CNTNAP5: variants seen among roughly 807,000 people sequenced by gnomAD.
CNTNAP5 encodes contactin-associated protein-like 5.
In CNTNAP5, 72 loss-of-function variants were observed where a neutral mutation model predicts 150.2. The ratio of observed to expected loss-of-function variants is 0.48; its 90% CI spans 0.40 to 0.58. The LOEUF (loss-of-function observed/expected upper bound fraction) is 0.58, where lower values mean the gene tolerates loss of function less well. Ranked by LOEUF, CNTNAP5 falls within the 20% of genes least tolerant of loss-of-function variation. The probability of loss-of-function intolerance (pLI) is 0.00; values close to 1 mark genes in which losing one functional copy is unlikely to be tolerated. For missense variants in CNTNAP5, 1,636 were observed against 1,626.2 expected (o/e 1.01, Z -0.10); for synonymous variants, 672 against 619.8 (o/e 1.08, Z -1.25).
chr2:124,675,525 AT>A (rs1392505437), intron 13 of CNTNAP5, among the ~76,000 whole-genome samples: 1 of 152,066 alleles, frequency 6.6e-6, no homozygotes, highest in Non-Finnish European at 1.5e-5. Flanking sequence ...CTATTTTTCA[AT>A]TTGGTTATCC....
At chr2:124,089,603 G>C (rs927652807) in intron 1 of CNTNAP5, among the ~76,000 whole-genome samples, 1 of 152,204 alleles carries the variant, frequency 6.6e-6, no homozygotes, top group East Asian at 1.9e-4. Context: ...ACTTGTGTGA[G>C]GTTACTTAAA....
chr2:124,070,576 T>TA (rs1213504230), intron 1 of CNTNAP5, among the ~76,000 whole-genome samples: 1 of 151,430 alleles, frequency 6.6e-6, no homozygotes, highest in Non-Finnish European at 1.5e-5. Context: ...GAGATTTCAA[T>TA]AAAAAACTGA....
intron 17 of CNTNAP5, among the ~76,000 whole-genome samples, chr2:124,785,380 A>G (rs747604648): frequency 1.7e-4 from 26 of 152,326 alleles, no homozygotes; most frequent in Middle Eastern, 3.4e-3. Flanking sequence ...TCAATGAGGA[A>G]CTAACTAGAA....
intron 13 of CNTNAP5, among the ~76,000 whole-genome samples, chr2:124,681,635 C>T (rs1201445865): frequency 6.6e-6 from 1 of 152,216 alleles, no homozygotes; most frequent in Admixed American, 6.5e-5. Flanking sequence ...ACGATCTCTG[C>T]TCACTGCAAC....
intron 13 of CNTNAP5, among the ~76,000 whole-genome samples, chr2:124,656,497 A>G (rs1228144851): frequency 6.6e-6 from 1 of 152,214 alleles, no homozygotes; most frequent in Non-Finnish European, 1.5e-5. Flanking sequence ...CTAATGTCCT[A>G]GTAATTTACT....
At chr2:124,895,428 C>A (rs1247503329) in intron 21 of CNTNAP5, among the ~76,000 whole-genome samples, 1 of 151,468 alleles carries the variant, frequency 6.6e-6, no homozygotes, top group Non-Finnish European at 1.5e-5. Flanking sequence ...GCTTTTGAGA[C>A]CAACTTGGCA....
chr2:124,076,249 C>T (rs1682434948), intron 1 of CNTNAP5, among the ~76,000 whole-genome samples: 1 of 152,074 alleles, frequency 6.6e-6, no homozygotes. Flanking sequence ...GTCAATTAAG[C>T]TTCCTGGAAA....
intron 1 of CNTNAP5, among the ~76,000 whole-genome samples, chr2:124,203,850 G>C (rs889104945): frequency 1.3e-5 from 2 of 152,226 alleles, no homozygotes; most frequent in African/African-American, 4.8e-5. Context: ...GCCTGTGATG[G>C]AATGGGCTAC....
chr2:124,243,571 C>T (rs992877086), intron 3 of CNTNAP5, among the ~76,000 whole-genome samples: 4 of 151,986 alleles, frequency 2.6e-5, no homozygotes, highest in East Asian at 1.9e-4. Context: ...TTATAAAGGG[C>T]GTAAGTTTTC....
intron 1 of CNTNAP5, among the ~76,000 whole-genome samples, chr2:124,154,727 A>G (rs147662499): frequency 6.6e-6 from 1 of 152,284 alleles, no homozygotes; most frequent in African/African-American, 2.4e-5. Flanking sequence ...ATAAATACCC[A>G]TCAAATAATG....
intron 10 of CNTNAP5, among the ~76,000 whole-genome samples, chr2:124,538,217 T>C (rs1695287632): frequency 6.6e-6 from 1 of 152,176 alleles, no homozygotes. Flanking sequence ...CCAGGCGCAG[T>C]GGCTCATGCC....
rs1689095407 is a variant in CNTNAP5, at chr2:124,321,403, A to G, written c.381+79010A>G. 2.0e-5 allele frequency among the ~76,000 whole-genome samples: 3 copies of G among 151,636 alleles called. 1 individual carries two copies. In the South Asian group the frequency reaches 6.2e-4, roughly 32 times the overall value. ...GGTTGCAGTGAGCCAAGATTGTGCCATTGCATTCCAGCCTGGGCAACAAGA... is the reference window on the plus strand; with the variant it reads ...GGTTGCAGTGAGCCAAGATTGTGCCGTTGCATTCCAGCCTGGGCAACAAGA... On this transcript the variant is annotated intron_variant, in intron 3 of 23. Coordinates refer to ENST00000682447, the MANE Select transcript of CNTNAP5 (RefSeq NM_001367498.1).
At chr2:124,351,866 A>T (rs1341293476) in intron 3 of CNTNAP5, among the ~76,000 whole-genome samples, 1 of 152,144 alleles carries the variant, frequency 6.6e-6, no homozygotes, top group Non-Finnish European at 1.5e-5. Context: ...CTGAAGCAAA[A>T]ATGCTGAATA....
chr2:124,523,616 T>A (rs1335495894), intron 8 of CNTNAP5, among the ~76,000 whole-genome samples: 2 of 152,212 alleles, frequency 1.3e-5, no homozygotes, highest in Non-Finnish European at 2.9e-5. Context: ...TTTCTCCCAG[T>A]GCCTTTAGAG....
At chr2:124,877,343 G>A (rs560415207) in intron 21 of CNTNAP5, among the ~76,000 whole-genome samples, 2 of 152,216 alleles carry the variant, frequency 1.3e-5, no homozygotes, top group South Asian at 4.1e-4. Flanking sequence ...AATGAATGAA[G>A]TAAAAATATC....
At chr2:124,859,430 G>A (rs1472030222) in intron 19 of CNTNAP5, among the ~76,000 whole-genome samples, 1 of 152,182 alleles carries the variant, frequency 6.6e-6, no homozygotes, top group African/African-American at 2.4e-5. Context: ...AGAGGATGTG[G>A]AGAAATAGGA....
intron 7 of CNTNAP5, among the ~76,000 whole-genome samples, chr2:124,493,067 T>A (rs1694067814): frequency 6.6e-6 from 1 of 152,120 alleles, no homozygotes; most frequent in African/African-American, 2.4e-5. Context: ...GCTGTCAACC[T>A]TTAATGTTAA....
chr2:124,098,390 A>ATGC (rs2104693630), intron 1 of CNTNAP5, among the ~76,000 whole-genome samples: 2 of 152,236 alleles, frequency 1.3e-5, no homozygotes, highest in South Asian at 4.1e-4. Context: ...ATCTGGGTAT[A>ATGC]AGTAGATCCA....
At chr2:124,180,878 C>G (rs1202517429) in intron 1 of CNTNAP5, among the ~76,000 whole-genome samples, 1 of 150,904 alleles carries the variant, frequency 6.6e-6, no homozygotes, top group Non-Finnish European at 1.5e-5. Flanking sequence ...ATGGGGCCCT[C>G]AGCTACCTTT....
Sources: allele counts gnomAD v4.1 joint callset (sites outside exome capture counted in the v4.1 genomes callset), GRCh38; gene constraint gnomAD v4.1.1; transcripts MANE v1.5; gene names NCBI Gene and HGNC (gene_info 2026-07-23, HGNC 2026-07-21).